SLC25A11: variants seen among roughly 807,000 people sequenced by gnomAD.
SLC25A11 encodes the protein mitochondrial 2-oxoglutarate/malate carrier protein.
A neutral mutation model predicts 32.7 loss-of-function variants in SLC25A11; 11 were observed. That is an observed-to-expected ratio of 0.34 (90% CI 0.21 to 0.56). SLC25A11 has a LOEUF of 0.56. Ranked by LOEUF, SLC25A11 falls within the 20% of genes least tolerant of loss-of-function variation. The pLI, the probability that SLC25A11 is intolerant of heterozygous loss-of-function variation, is 0.90. For missense variants in SLC25A11, 295 were observed against 426.3 expected (o/e 0.69, Z 2.71); for synonymous variants, 163 against 168.3 (o/e 0.97, Z 0.24).
chr17:4,939,218 G>A lies in SLC25A11; in HGVS notation c.96-6C>T, dbSNP rs1970548353. On this transcript the variant is annotated splice_polypyrimidine_tract_variant and splice_region_variant and intron_variant, in intron 1 of 7. Coordinates refer to ENST00000225665, the MANE Select transcript of SLC25A11 (RefSeq NM_003562.5). The surrounding 1 kb of genome is among the most constrained non-coding windows in gnomAD (Gnocchi z 4.1). The stretch of plus-strand genomic sequence containing the variant: ...CAAAAACTGTAGCTCCCATCCTGGG[G>A]GAAGACAGAGGTGGAGTGAAGGGCC... The A allele has an allele frequency of 1.2e-6, 2 of 1,601,206 alleles. No homozygotes were observed. Among genetic ancestry groups the A allele is most frequent in the Non-Finnish European group, 8.5e-7 (1 of 1,169,658 alleles).
Position 4,939,219 on chromosome 17 carries a change from G to A in SLC25A11, c.96-7C>T, listed in dbSNP as rs778815901. The A allele has an allele frequency of 8.1e-6, 13 of 1,601,034 alleles. No homozygotes were observed. Among genetic ancestry groups the A allele is most frequent in the Admixed American group, 1.7e-5 (1 of 59,710 alleles). On this transcript the variant is annotated splice_polypyrimidine_tract_variant and splice_region_variant and intron_variant, in intron 1 of 7. Coordinates refer to ENST00000225665, the MANE Select transcript of SLC25A11 (RefSeq NM_003562.5). This position sits in a 1 kb window ranked among gnomAD's most constrained non-coding sequence, Gnocchi z 4.1. The stretch of plus-strand genomic sequence containing the variant: ...AAAAACTGTAGCTCCCATCCTGGGG[G>A]AAGACAGAGGTGGAGTGAAGGGCCA...
chr17:4,939,732 G>C lies in SLC25A11; in HGVS notation c.95+84C>G. ...TGACCCCGTGCCGGCACAGTTCACT[G>C]CAACAGACCCAGAGATGAACCGGGC... On this transcript the variant is annotated intron_variant, in intron 1 of 7. Transcript: ENST00000225665. The surrounding 1 kb of genome is among the most constrained non-coding windows in gnomAD (Gnocchi z 4.1). 1 of 1,104,840 alleles carries C rather than the reference G, an allele frequency of 9.1e-7. No individual in the cohort carries two copies. The highest frequency in any genetic ancestry group is 1.4e-6 in the Non-Finnish European group (1 of 739,674). The allele number at this position is 1,104,840 out of a possible 1,614,324, so 68.4% of individuals were successfully genotyped here.
Position 4,938,617 on chromosome 17 carries a change from G to C in SLC25A11, c.456-15C>G. ...CAGCTGGAAGCCTGGTGGGAAGGCA[G>C]AAAGAGGTCAAGATCAGGATTGCCC... On this transcript the variant is annotated splice_polypyrimidine_tract_variant and intron_variant, in intron 3 of 7. Transcript: ENST00000225665. This position sits in a 1 kb window ranked among gnomAD's most constrained non-coding sequence, Gnocchi z 7.6. 1 of 1,612,992 alleles carries C rather than the reference G, an allele frequency of 6.2e-7. No homozygotes were observed. Among genetic ancestry groups the C allele is most frequent in the South Asian group, 1.1e-5 (1 of 91,068 alleles).
chr17:4,939,741 C>A lies in SLC25A11; in HGVS notation c.95+75G>T. 8.5e-7 allele frequency: 1 copy of A among 1,183,072 alleles called. No individual in the cohort carries two copies. Among genetic ancestry groups the A allele is most frequent in the African/African-American group, 1.5e-5 (1 of 65,984 alleles). 73.3% of individuals were successfully genotyped at this position (1,183,072 alleles called of 1,614,324 possible). On this transcript the variant is annotated intron_variant, in intron 1 of 7. Transcript: ENST00000225665. The surrounding 1 kb of genome is among the most constrained non-coding windows in gnomAD (Gnocchi z 4.1). ...GCCGGCACAGTTCACTGCAACAGAC[C>A]CAGAGATGAACCGGGCCCGGTTCCT...
At position 4,938,438 on chromosome 17, in the gene SLC25A11, A is replaced by T; in HGVS notation, c.547-9T>A. 1 of 1,613,996 alleles carries T rather than the reference A, an allele frequency of 6.2e-7. No individual in the cohort carries two copies. ...ATGGTAGGGATGCAGCCCTGGAGGG[A>T]GGGGAGCGGGGAAGAGTCAGAAACC... On this transcript the variant is annotated splice_polypyrimidine_tract_variant and intron_variant, in intron 4 of 7. Coordinates refer to ENST00000225665, the MANE Select transcript of SLC25A11 (RefSeq NM_003562.5). The surrounding 1 kb of genome is among the most constrained non-coding windows in gnomAD (Gnocchi z 7.6).
At position 4,937,835 on chromosome 17, in the gene SLC25A11, G is replaced by A. The variant is rs758589388; in HGVS notation, c.851C>T (p.Pro284Leu). ...GFFSLWKGFT[P>L]YYARLGPHTV... ...GTGGGGGCCCAGGCGGGCATAGTAC[G>A]GCGTGAAGCCCTTCCACAGGCTGAA... The change falls in exon 8 of 8, where the codon CCG becomes CTG. Residue 284 changes from proline to leucine, a missense_variant. By Grantham distance (98) the Pro-to-Leu change is moderately conservative. Around this residue, in one of 3 missense-constraint regions of SLC25A11, gnomAD observed 142 missense variants for 197.8 expected, o/e 0.72. Coordinates refer to ENST00000225665, the MANE Select transcript of SLC25A11 (RefSeq NM_003562.5). 1.9e-6 allele frequency: 3 copies of A among 1,614,016 alleles called. No homozygotes were observed. Among genetic ancestry groups the A allele is most frequent in the East Asian group, 2.2e-5 (1 of 44,898 alleles).
rs773163996 is a variant in SLC25A11, at chr17:4,937,769, G to C, written c.917C>G (p.Ala306Gly). The C allele has an allele frequency of 1.5e-5, 25 of 1,613,428 alleles. No individual in the cohort carries two copies. Among genetic ancestry groups the C allele is most frequent in the Non-Finnish European group, 8.5e-7 (1 of 1,179,766 alleles). The part of the protein sequence containing the change: ...TFIFLEQMNK[A>G]YKRLFLSG ...GCCACTGAGGAAGAGACGCTTGTAG[G>C]CCTTGTTCATCTGCTCCAAGAAGAT... Residue 306 changes from alanine to glycine, a missense_variant, in exon 8 of 8, where the codon GCC (alanine) becomes GGC (glycine). Coordinates refer to ENST00000225665, the MANE Select transcript of SLC25A11 (RefSeq NM_003562.5).
In SLC25A11 at chr17:4,939,827, C is replaced by A. The variant is rs1265168190; in HGVS notation, c.84G>T (p.Gly28=). Residue 28 remains glycine (G), a synonymous_variant, in exon 1 of 8, where the codon GGG becomes GGT. Coordinates refer to ENST00000225665, the MANE Select transcript of SLC25A11 (RefSeq NM_003562.5). The surrounding 1 kb of genome is among the most constrained non-coding windows in gnomAD (Gnocchi z 4.1). The part of the protein sequence containing the change: ...TSPKSVKFLF[G]GLAGMGATVF... ...GGGCCTGAGCTTACCCGGCCAGGCC[C>A]CCAAACAGGAACTTGACGGACTTAG... is the stretch of plus-strand genomic sequence containing the variant. 1 of 1,612,640 alleles carries A rather than the reference C, an allele frequency of 6.2e-7. No homozygotes were observed. Among genetic ancestry groups the A allele is most frequent in the Non-Finnish European group, 8.5e-7 (1 of 1,179,604 alleles).
At position 4,937,525 on chromosome 17, in the gene SLC25A11, A is replaced by C; in HGVS notation, c.*216T>G. ...GGCCAGAAATCCTCAGAAGTTTTCC[A>C]GCTCCCTGCAAGAATAGCCAAGGAC... On this transcript the variant is annotated 3_prime_UTR_variant, in exon 8 of 8. Coordinates refer to ENST00000225665, the MANE Select transcript of SLC25A11 (RefSeq NM_003562.5). The C allele has an allele frequency of 2.1e-6, 1 of 479,696 alleles. No homozygotes were observed. The highest frequency in any genetic ancestry group is 3.5e-6 in the Non-Finnish European group (1 of 282,566). 29.7% of individuals were successfully genotyped at this position (479,696 alleles called of 1,614,324 possible).
rs767826640 is a variant in SLC25A11 at position 4,939,884 on chromosome 17, G to T, written c.27C>A (p.Ala9=). Residue 9 remains alanine, a synonymous_variant, in exon 1 of 8, where the codon GCC becomes GCA. Transcript: ENST00000225665. This position sits in a 1 kb window ranked among gnomAD's most constrained non-coding sequence, Gnocchi z 4.1. The stretch of plus-strand genomic sequence containing the variant: ...TACGGGGCTTCCCGTCTATCCCGCC[G>T]GCCCCGGCACTCGCCGTCGCCGCCA... The part of the protein sequence containing the change: MAATASAG[A]GGIDGKPRTS... 18 of 1,611,456 alleles carry T rather than the reference G, an allele frequency of 1.1e-5. No individual in the cohort carries two copies. Among genetic ancestry groups the T allele is most frequent in the Admixed American group, 1.7e-5 (1 of 59,908 alleles).
In SLC25A11 at chr17:4,939,393, T is replaced by C. The variant is rs1260052195; in HGVS notation, c.96-181A>G. On this transcript the variant is annotated intron_variant, in intron 1 of 7. Coordinates refer to ENST00000225665, the MANE Select transcript of SLC25A11 (RefSeq NM_003562.5). This position sits in a 1 kb window ranked among gnomAD's most constrained non-coding sequence, Gnocchi z 4.1. ...CCAAGTGCAACGGGTCTGAAAAGTC[T>C]AGTTGTCCAGTAGGGGCCATGCAAT... The C allele has an allele frequency of 8.4e-5, 58 of 689,666 alleles. No individual in the cohort carries two copies. Among genetic ancestry groups the C allele is most frequent in the South Asian group, 6.3e-4 (32 of 50,708 alleles). 42.7% of individuals were successfully genotyped at this position (689,666 alleles called of 1,614,324 possible).
At chr17:4,937,999 AG>A (rs1261391520) in intron 7 of SLC25A11, 23 bp downstream of exon 7, 2 of 1,613,912 alleles carry the variant, frequency 1.2e-6, no homozygotes, top group African/African-American at 2.7e-5. Context: ...ACCCCCTCCC[AG>A]GCCCCCAGAA....
rs184974023 is a variant in SLC25A11, at chr17:4,939,015, G to A, written c.249-40C>T. On this transcript the variant is annotated intron_variant, in intron 2 of 7. Transcript: ENST00000225665. This position sits in a 1 kb window ranked among gnomAD's most constrained non-coding sequence, Gnocchi z 4.1. The stretch of plus-strand genomic sequence containing the variant: ...GGTCAGCATATCAGGCCAAGGTCTA[G>A]AGCTGCCAACCCACAGTCTACCCTC... 2 of 1,614,092 alleles carry A rather than the reference G, an allele frequency of 1.2e-6. No homozygotes were observed. The highest frequency in any genetic ancestry group is 2.7e-5 in the African/African-American group (2 of 74,932).
At position 4,938,652 on chromosome 17, in the gene SLC25A11, A is replaced by G. The variant is rs1970503851; in HGVS notation, c.456-50T>C. On this transcript the variant is annotated intron_variant, in intron 3 of 7. Coordinates refer to ENST00000225665, the MANE Select transcript of SLC25A11 (RefSeq NM_003562.5). The surrounding 1 kb of genome is among the most constrained non-coding windows in gnomAD (Gnocchi z 7.6). Reference sequence around the variant, plus strand: ...AAGATCAGGATTGCCCACAGGTGCAAAGAAAGGAAGGCCAGAACAGGTAAA... The same window carrying G: ...AAGATCAGGATTGCCCACAGGTGCAGAGAAAGGAAGGCCAGAACAGGTAAA... The G allele has an allele frequency of 1.9e-6, 3 of 1,599,592 alleles. No homozygotes were observed. In the South Asian group the frequency reaches 3.3e-5, roughly 18 times the overall value.
In SLC25A11 at chr17:4,939,641, C is replaced by T. The variant is rs372048042; in HGVS notation, c.95+175G>A. ...TTGTGCAACGACCCTGCATGCAGTC[C>T]ATAAGGGTCCTGCAATGGGGCCCTA... is the stretch of plus-strand genomic sequence containing the variant. On this transcript the variant is annotated intron_variant, in intron 1 of 7. Transcript: ENST00000225665. The surrounding 1 kb of genome is among the most constrained non-coding windows in gnomAD (Gnocchi z 4.1). The T allele has an allele frequency of 2.1e-4, 142 of 669,140 alleles. 1 individual carries two copies. In the East Asian group the frequency reaches 2.9e-3, roughly 14 times the overall value. The allele number at this position is 669,140 out of a possible 1,614,324, so 41.5% of individuals were successfully genotyped here.
chr17:4,938,737 G>C lies in SLC25A11; in HGVS notation c.455+32C>G. ...CTTTCATTCTAGATTCGAGGGAATG[G>C]GGCTGGGGTTAGGTTCAGACTTGGA... On this transcript the variant is annotated intron_variant, in intron 3 of 7. Transcript: ENST00000225665. The surrounding 1 kb of genome is among the most constrained non-coding windows in gnomAD (Gnocchi z 7.6). The C allele has an allele frequency of 1.3e-6, 2 of 1,599,632 alleles. No individual in the cohort carries two copies. Among genetic ancestry groups the C allele is most frequent in the South Asian group, 2.2e-5 (2 of 89,856 alleles).
In SLC25A11 at chr17:4,939,979, G is replaced by C. The variant is rs961757625; in HGVS notation, c.-69C>G. 48 of 1,220,944 alleles carry C rather than the reference G, an allele frequency of 3.9e-5. No individual in the cohort carries two copies. Among genetic ancestry groups the C allele is most frequent in the Non-Finnish European group, 5.3e-5 (48 of 900,166 alleles). The allele number at this position is 1,220,944 out of a possible 1,614,324, so 75.6% of individuals were successfully genotyped here. A position where few individuals can be genotyped will look rare whatever the true frequency, so the allele number is the denominator to read the frequency against. ...CCCCGCTCGCGCCCAAGGTGACACC[G>C]CGCGCGCAACAGAGCGAGGGCGCGC... On this transcript the variant is annotated 5_prime_UTR_variant, in exon 1 of 8. Coordinates refer to ENST00000225665, the MANE Select transcript of SLC25A11 (RefSeq NM_003562.5). This position sits in a 1 kb window ranked among gnomAD's most constrained non-coding sequence, Gnocchi z 4.1.
Position 4,938,697 on chromosome 17 carries a change from G to C in SLC25A11, c.455+72C>G. On this transcript the variant is annotated intron_variant, in intron 3 of 7. Transcript: ENST00000225665. This position sits in a 1 kb window ranked among gnomAD's most constrained non-coding sequence, Gnocchi z 7.6. ...GGTAAACACTCTGCTCCAGATCCGG[G>C]ATAAAAAACTGGTCCTTTCATTCTA... 1.3e-6 allele frequency: 2 copies of C among 1,586,036 alleles called. No homozygotes were observed. Among genetic ancestry groups the C allele is most frequent in the Middle Eastern group, 1.7e-4 (1 of 5,972 alleles).
At position 4,938,112 on chromosome 17, in the gene SLC25A11, G is replaced by C. The variant is rs539083177; in HGVS notation, c.738-38C>G. On this transcript the variant is annotated intron_variant, in intron 6 of 7. Coordinates refer to ENST00000225665, the MANE Select transcript of SLC25A11 (RefSeq NM_003562.5). This position sits in a 1 kb window ranked among gnomAD's most constrained non-coding sequence, Gnocchi z 7.6. ...ACGCAGGGGCATGAGAGACCGAAAG[G>C]GCACCCTCCCACCCACCTCCAGGCC... 71 of 1,614,046 alleles carry C rather than the reference G, an allele frequency of 4.4e-5. No homozygotes were observed. In the Admixed American group the frequency reaches 1.1e-3, roughly 26 times the overall value.
Sources: gnomAD v4.1 joint callset for allele counts on GRCh38, gnomAD v4.1.1 for gene constraint, gnomAD v4.1.1 regional missense constraint, Gnocchi (gnomAD v3.1) non-coding constraint, MANE v1.5 for transcripts, NCBI Gene and HGNC (gene_info 2026-07-23, HGNC 2026-07-21) for gene names.